The following ERICH3 variants were observed in gnomAD, a reference collection of about 807,000 sequenced individuals.
ERICH3 encodes glutamate-rich protein 3.
Under a neutral mutation model 131.1 loss-of-function variants are expected in ERICH3, and 126 were observed. The ratio of observed to expected loss-of-function variants is 0.96; its 90% CI spans 0.83 to 1.11. The LOEUF is 1.11. ERICH3 is among the 50% of genes most tolerant of loss of function. ERICH3 has a pLI of 0.00. For synonymous variants in ERICH3, 695 were observed against 644.6 expected, an observed-to-expected ratio of 1.08 and a Z score of -1.18; for missense variants, 2,050 against 1,810.7, an observed-to-expected ratio of 1.13 and a Z score of -2.40.
At chr1:74,616,860 G>T (rs1034680716) in intron 8 of ERICH3, among the ~76,000 whole-genome samples, 1 of 152,138 alleles carries the variant, frequency 6.6e-6, no homozygotes, top group Admixed American at 6.5e-5. Context: ...GCCAAGGAAG[G>T]CCAGTTGACA....
intron 1 of ERICH3, among the ~76,000 whole-genome samples, chr1:74,655,447 C>G (rs922888041): frequency 6.6e-6 from 1 of 152,134 alleles, no homozygotes; most frequent in Admixed American, 6.6e-5. Context: ...TGCCTACATG[C>G]CTTGGGTCCT....
At chr1:74,626,116 T>A (rs1362963273) in intron 7 of ERICH3, 1 of 152,210 alleles carries the variant, frequency 6.6e-6, no homozygotes, top group African/African-American at 2.4e-5. Context: ...TTTCTCTTTA[T>A]CTTTTTAAAT....
intron 1 of ERICH3, among the ~76,000 whole-genome samples, chr1:74,657,486 T>C (rs774504980): frequency 2.0e-5 from 3 of 152,192 alleles, no homozygotes; most frequent in Non-Finnish European, 4.4e-5. Flanking sequence ...ATCATATAAA[T>C]GATTTTATAT....
chr1:74,616,906 A>T (rs910110085), intron 8 of ERICH3, among the ~76,000 whole-genome samples: 5 of 152,134 alleles, frequency 3.3e-5, no homozygotes, highest in Admixed American at 6.5e-5. Context: ...CTTTTCAGGG[A>T]GTGTGTCCCT....
chr1:74,594,980 T>C (rs553312148), intron 11 of ERICH3, among the ~76,000 whole-genome samples: 1 of 152,272 alleles, frequency 6.6e-6, no homozygotes, highest in African/African-American at 2.4e-5. Context: ...ATGATCTCAG[T>C]GACATAACCG....
At chr1:74,609,420 C>A (rs1648580421) in intron 9 of ERICH3, among the ~76,000 whole-genome samples, 2 of 151,842 alleles carry the variant, frequency 1.3e-5, no homozygotes, top group Non-Finnish European at 2.9e-5. Flanking sequence ...AATTAGTGTA[C>A]ATTGTTTAAC....
At chr1:74,664,310 T>TA (rs5775254) in intron 1 of ERICH3, among the ~76,000 whole-genome samples, 41 of 146,602 alleles carry the variant, frequency 2.8e-4, no homozygotes, top group East Asian at 1.0e-3. Context: ...AAAGGAAGAT[T>TA]AAAAAAAAAA....
intron 8 of ERICH3, among the ~76,000 whole-genome samples, chr1:74,617,758 C>T (rs75080444): frequency 0.13 from 19,135 of 152,114 alleles, 1,400 homozygotes; most frequent in South Asian, 0.25. Context: ...TACACCTAGT[C>T]TGTGATAATG....
At chr1:74,616,399 A>G (rs2100603746) in intron 8 of ERICH3, among the ~76,000 whole-genome samples, 1 of 152,280 alleles carries the variant, frequency 6.6e-6, no homozygotes, top group Non-Finnish European at 1.5e-5. Flanking sequence ...GCAATAAACC[A>G]GTCATAGAAG....
chr1:74,593,957 T>G (rs184471657), intron 11 of ERICH3, among the ~76,000 whole-genome samples: 1 of 152,110 alleles, frequency 6.6e-6, no homozygotes, highest in Admixed American at 6.6e-5. Context: ...GACTTTTCAC[T>G]GTTACCACTT....
intron 8 of ERICH3, among the ~76,000 whole-genome samples, chr1:74,617,757 TC>T (rs2100605800): frequency 6.6e-6 from 1 of 152,252 alleles, no homozygotes; most frequent in African/African-American, 2.4e-5. Flanking sequence ...CTACACCTAG[TC>T]TGTGATAATG....
intron 11 of ERICH3, among the ~76,000 whole-genome samples, chr1:74,593,610 T>A (rs1256042330): frequency 1.3e-5 from 2 of 152,134 alleles, no homozygotes; most frequent in Non-Finnish European, 2.9e-5. Flanking sequence ...CTCTTGTAAT[T>A]TCTTTCTTGT....
intron 9 of ERICH3, 50 bp from the exon 10 acceptor site, chr1:74,606,952 A>G (rs756429092): frequency 6.7e-7 from 1 of 1,501,210 alleles, no homozygotes. Context: ...TAGACAGCAC[A>G]ATGGAACCTC....
chr1:74,638,764 G>T (rs1230264449), intron 5 of ERICH3, among the ~76,000 whole-genome samples: 1 of 152,116 alleles, frequency 6.6e-6, no homozygotes, highest in East Asian at 1.9e-4. Flanking sequence ...GAAGATATGT[G>T]CTCTCACTTT....
At chr1:74,659,657 G>C (rs954212602) in intron 1 of ERICH3, among the ~76,000 whole-genome samples, 1 of 152,182 alleles carries the variant, frequency 6.6e-6, no homozygotes, top group Non-Finnish European at 1.5e-5. Flanking sequence ...AACAGCAACT[G>C]TTTATTGTGT....
chr1:74,608,074 T>G (rs1400327601), intron 9 of ERICH3, among the ~76,000 whole-genome samples: 1 of 152,010 alleles, frequency 6.6e-6, no homozygotes. Context: ...TCAAGACTGC[T>G]AGGCTCCATC....
intron 13 of ERICH3, among the ~76,000 whole-genome samples, chr1:74,574,203 A>T (rs1647011981): frequency 6.6e-6 from 1 of 151,910 alleles, no homozygotes; most frequent in African/African-American, 2.4e-5. Flanking sequence ...GGGTCTTTCC[A>T]TGTTGCCCTG....
In ERICH3 at chr1:74,571,680, G is replaced by A. The variant is rs1457410825; in HGVS notation, c.4030C>T (p.His1344Tyr). ...GGRVVAVEVL[H>Y]GGGETAETAA... ...GTTTCTGCCGTTTCACCACCTCCGT[G>A]TAGAACTTCCACAGCCACAACCCTT... Residue 1344 changes from histidine to tyrosine, a missense_variant, in exon 14 of 15, where the codon CAC becomes TAC. Transcript: ENST00000326665. 2 of 1,614,078 alleles carry A rather than the reference G, an allele frequency of 1.2e-6. No individual in the cohort carries two copies. Among genetic ancestry groups the A allele is most frequent in the African/African-American group, 2.7e-5 (2 of 75,030 alleles).
In ERICH3 at chr1:74,606,798, A is replaced by C; in HGVS notation, c.1292T>G (p.Val431Gly). 1.2e-6 allele frequency: 2 copies of C among 1,612,806 alleles called. No homozygotes were observed. Among genetic ancestry groups the C allele is most frequent in the Non-Finnish European group, 1.7e-6 (2 of 1,179,422 alleles). The stretch of plus-strand genomic sequence containing the variant: ...TATCACATACTCTCTCTCTTTCCTC[A>C]CTTTCCCCTCAGCCTTCTTCAGTTC... ...GEELKKAEGK[V>G]RKEREYVIPK... The change falls in exon 10 of 15, where the codon GTG becomes GGG. Residue 431 changes from valine to glycine, a missense_variant. Coordinates refer to ENST00000326665, the MANE Select transcript of ERICH3 (RefSeq NM_001002912.5).
Sources: allele counts gnomAD v4.1 joint callset (sites outside exome capture counted in the v4.1 genomes callset), GRCh38; gene constraint gnomAD v4.1.1; transcripts MANE v1.5; gene names NCBI Gene and HGNC (gene_info 2026-07-23, HGNC 2026-07-21).